FIG4: variants seen among roughly 807,000 people sequenced by gnomAD.
The protein encoded by FIG4 is FIG4 phosphoinositide 5-phosphatase.
Under a neutral mutation model 118.6 loss-of-function variants are expected in FIG4, and 112 were observed. The observed-to-expected ratio is 0.94, with a 90% CI of 0.81 to 1.11. The LOEUF is 1.11. Ranked by LOEUF, FIG4 falls within the 50% of genes least tolerant of loss-of-function variation. The probability of loss-of-function intolerance (pLI) is 0.00; values close to 1 mark genes in which losing one functional copy is unlikely to be tolerated. For missense variants in FIG4, 969 were observed against 1,111.7 expected (o/e 0.87, Z 1.83); for synonymous variants, 369 against 381.2 (o/e 0.97, Z 0.37).
rs77383692 is a variant in FIG4, at chr6:109,699,525, C to T, written c.66+8024C>T. Among the ~76,000 whole-genome samples the T allele has an allele frequency of 1.9e-4, 26 of 138,170 alleles. No individual in the cohort carries two copies. In the East Asian group the frequency reaches 4.1e-3, roughly 22 times the overall value. The allele number at this position is 138,170 out of a possible 152,430, so 90.6% of individuals were successfully genotyped here. A position where few individuals can be genotyped will look rare whatever the true frequency, so the allele number is the denominator to read the frequency against. On this transcript the variant is annotated intron_variant, in intron 1 of 22. Coordinates refer to ENST00000230124, the MANE Select transcript of FIG4 (RefSeq NM_014845.6). ...TTTTTTTTTGTTTTTTTTTTTGAGACGGAGTCTTGCTGTGTCGCCCAGGCT... is the reference window on the plus strand; with the variant it reads ...TTTTTTTTTGTTTTTTTTTTTGAGATGGAGTCTTGCTGTGTCGCCCAGGCT...
chr6:109,757,216 C>G (rs780359501), intron 10 of FIG4, among the ~76,000 whole-genome samples: 2 of 152,108 alleles, frequency 1.3e-5, no homozygotes, highest in African/African-American at 4.8e-5. Flanking sequence ...CTGCTCTGAT[C>G]TTAGTTATTT....
At chr6:109,752,090 T>C (rs951408553) in intron 10 of FIG4, among the ~76,000 whole-genome samples, 14 of 150,388 alleles carry the variant, frequency 9.3e-5, no homozygotes, top group African/African-American at 3.4e-4. Flanking sequence ...CATGCGGTGT[T>C]TGGTTTTTTG....
chr6:109,762,256 A>G, intron 12 of FIG4, 49 bp downstream of exon 12: 1 of 1,153,670 alleles, frequency 8.7e-7, no homozygotes, highest in African/African-American at 1.5e-5. Context: ...TTTTGCTCTT[A>G]TGGGTATTCT....
At chr6:109,765,982 A>G (rs1204153960) in intron 14 of FIG4, among the ~76,000 whole-genome samples, 1 of 152,204 alleles carries the variant, frequency 6.6e-6, no homozygotes, top group African/African-American at 2.4e-5. Flanking sequence ...AAGAAAGAAT[A>G]TGGTTTCTTA....
chr6:109,779,378 A>G (rs145094790), intron 16 of FIG4, among the ~76,000 whole-genome samples: 8 of 152,324 alleles, frequency 5.3e-5, no homozygotes, highest in African/African-American at 1.2e-4. Context: ...GAGAGTTTAT[A>G]TGTGGGAATA....
chr6:109,811,953 G>A (rs2128400569), intron 22 of FIG4, among the ~76,000 whole-genome samples: 1 of 152,276 alleles, frequency 6.6e-6, no homozygotes, highest in African/African-American at 2.4e-5. Flanking sequence ...GTTAGGCTTT[G>A]TGTCCCTGCT....
At chr6:109,776,279 A>G (rs1476867505) in intron 15 of FIG4, among the ~76,000 whole-genome samples, 1 of 152,204 alleles carries the variant, frequency 6.6e-6, no homozygotes, top group African/African-American at 2.4e-5. Context: ...TAATTTTGGA[A>G]TGCTTGAATA....
At chr6:109,757,747 T>A (rs1004829985) in intron 10 of FIG4, among the ~76,000 whole-genome samples, 4 of 152,208 alleles carry the variant, frequency 2.6e-5, no homozygotes, top group Non-Finnish European at 5.9e-5. Flanking sequence ...CTTAAGCTGA[T>A]AAGCAACTTC....
intron 4 of FIG4, among the ~76,000 whole-genome samples, chr6:109,731,834 A>C (rs1776010803): frequency 6.6e-6 from 1 of 152,202 alleles, no homozygotes; most frequent in Non-Finnish European, 1.5e-5. Flanking sequence ...TATAGTGAAG[A>C]CCAAACATTG....
In FIG4 at chr6:109,691,429, C is replaced by G. The variant is rs765243012; in HGVS notation, c.-7C>G. On this transcript the variant is annotated 5_prime_UTR_variant, in exon 1 of 23. Coordinates refer to ENST00000230124, the MANE Select transcript of FIG4 (RefSeq NM_014845.6). ...GCCCTGTTGTGGGGCCCCCATTTGC[C>G]GCCGCCATGCCCACGGCCGCCGCCC... 2 of 1,573,876 alleles carry G rather than the reference C, an allele frequency of 1.3e-6. No homozygotes were observed. The highest frequency in any genetic ancestry group is 8.6e-7 in the Non-Finnish European group (1 of 1,159,500).
At chr6:109,729,829 A>T (rs1165365518) in intron 4 of FIG4, among the ~76,000 whole-genome samples, 3 of 151,984 alleles carry the variant, frequency 2.0e-5, no homozygotes. Flanking sequence ...CATGTAAGAC[A>T]TACAGGAACC....
intron 16 of FIG4, among the ~76,000 whole-genome samples, chr6:109,782,945 T>C (rs139510776): frequency 2.0e-5 from 3 of 152,334 alleles, no homozygotes; most frequent in East Asian, 3.9e-4. Context: ...TGTCTGGTTT[T>C]TGGAATCTGT....
intron 16 of FIG4, among the ~76,000 whole-genome samples, chr6:109,781,858 T>C (rs1406317394): frequency 6.6e-6 from 1 of 151,150 alleles, no homozygotes; most frequent in Non-Finnish European, 1.5e-5. Context: ...GCAGAACCCA[T>C]TGATTTCTAC....
intron 15 of FIG4, among the ~76,000 whole-genome samples, chr6:109,767,877 G>GA (rs965151469): frequency 2.0e-5 from 3 of 147,584 alleles, no homozygotes; most frequent in Non-Finnish European, 3.0e-5. Context: ...ATCTCGGAAA[G>GA]AAAAAAAAAA....
At chr6:109,771,511 C>T (rs1777461507) in intron 15 of FIG4, among the ~76,000 whole-genome samples, 1 of 137,956 alleles carries the variant, frequency 7.2e-6, no homozygotes, top group Non-Finnish European at 1.5e-5. Flanking sequence ...CTCTGTGGCC[C>T]AGGCTGGAGT....
chr6:109,694,658 GA>G (rs1192756714), intron 1 of FIG4, among the ~76,000 whole-genome samples: 1 of 152,158 alleles, frequency 6.6e-6, no homozygotes, highest in Non-Finnish European at 1.5e-5. Flanking sequence ...GCAACCTATA[GA>G]ATGGAGAAAA....
intron 1 of FIG4, among the ~76,000 whole-genome samples, chr6:109,712,525 G>C (rs13211604): frequency 0.23 from 35,554 of 151,876 alleles, 4,618 homozygotes; most frequent in Middle Eastern, 0.31. Flanking sequence ...CCTCCGCTTG[G>C]TCTGTTCTGC....
At chr6:109,725,313 C>T (rs1413877535) in intron 3 of FIG4, among the ~76,000 whole-genome samples, 3 of 152,032 alleles carry the variant, frequency 2.0e-5, no homozygotes, top group African/African-American at 7.2e-5. Flanking sequence ...TCTATGTGTT[C>T]TCATTGTTCA....
chr6:109,758,652 A>G (rs376148093), intron 10 of FIG4, among the ~76,000 whole-genome samples: 2 of 152,238 alleles, frequency 1.3e-5, no homozygotes, highest in Admixed American at 6.5e-5. Context: ...AAAAGAAACT[A>G]TCATCAGAGT....
Sources: allele counts gnomAD v4.1 joint callset (sites outside exome capture counted in the v4.1 genomes callset), GRCh38; gene constraint gnomAD v4.1.1; transcripts MANE v1.5; gene names NCBI Gene and HGNC (gene_info 2026-07-23, HGNC 2026-07-21).